ALG11: variants seen among roughly 807,000 people sequenced by gnomAD.
ALG11 encodes the protein GDP-Man:Man(3)GlcNAc(2)-PP-Dol alpha-1,2-mannosyltransferase.
Under a neutral mutation model 38.8 loss-of-function variants are expected in ALG11, and 26 were observed. The observed-to-expected ratio is 0.67, with a 90% confidence interval of 0.49 to 0.93. The LOEUF (loss-of-function observed/expected upper bound fraction) is 0.93, where lower values mean the gene tolerates loss of function less well. Ranked by LOEUF, ALG11 falls within the 40% of genes least tolerant of loss-of-function variation. ALG11 has a pLI of 0.00. For synonymous variants in ALG11, 199 were observed against 211.6 expected (o/e 0.94, Z 0.52); for missense variants, 535 against 578.8 (o/e 0.92, Z 0.78).
intron 1 of ALG11, chr13:52,015,826 C>T (rs1477615003): frequency 6.6e-6 from 1 of 152,246 alleles, no homozygotes; most frequent in African/African-American, 2.4e-5. Flanking sequence ...GAACTTGGTA[C>T]CATAAATTAG....
chr13:52,024,921 C>G lies in ALG11; in HGVS notation c.1191C>G (p.Asn397Lys). The G allele has an allele frequency of 6.2e-7, 1 of 1,610,152 alleles. No homozygotes were observed. Among genetic ancestry groups the G allele is most frequent in the Non-Finnish European group, 8.5e-7 (1 of 1,180,008 alleles). The change falls in exon 3 of 4, where the codon AAC becomes AAG. Residue 397 changes from asparagine to lysine, a missense_variant. Coordinates refer to ENST00000521508, the MANE Select transcript of ALG11 (RefSeq NM_001004127.3). ...CAATTGGTCTGCATACCATGTGGAACGAGCATTTTGGGATTGGTGAGTTTG... is the reference window on the plus strand; with the variant it reads ...CAATTGGTCTGCATACCATGTGGAAGGAGCATTTTGGGATTGGTGAGTTTG... ...EATIGLHTMW[N>K]EHFGIGVVEC...
At chr13:52,015,147 A>C (rs1483708657) in intron 1 of ALG11, among the ~76,000 whole-genome samples, 1 of 152,244 alleles carries the variant, frequency 6.6e-6, no homozygotes, top group Admixed American at 6.5e-5. Flanking sequence ...TCATGCCTGT[A>C]ATCTCAATGC....
chr13:52,012,605 T>C, intron 1 of ALG11, 143 bp downstream of exon 1: 1 of 1,167,820 alleles, frequency 8.6e-7, no homozygotes, highest in Non-Finnish European at 1.2e-6. Context: ...GCAGTCTTTC[T>C]TTTTCTTGGG....
At position 52,028,981 on chromosome 13, in the gene ALG11, A is replaced by G; in HGVS notation, c.*391A>G. 1.9e-6 allele frequency: 3 copies of G among 1,614,230 alleles called. No homozygotes were observed. Among genetic ancestry groups the G allele is most frequent in the Non-Finnish European group, 2.5e-6 (3 of 1,180,032 alleles). On this transcript the variant is annotated 3_prime_UTR_variant, in exon 4 of 4. Transcript: ENST00000521508. Reference sequence around the variant, plus strand: ...CCCTTGATGGAAAGAATAGGCGGAAATTGGCTGAGAGGTCTGAGGCTAGTC... The same window carrying G: ...CCCTTGATGGAAAGAATAGGCGGAAGTTGGCTGAGAGGTCTGAGGCTAGTC...
At chr13:52,028,168 C>A in intron 3 of ALG11, 151 bp from the exon 4 acceptor site, 1 of 830,584 alleles carries the variant, frequency 1.2e-6, no homozygotes, top group South Asian at 1.7e-5. Flanking sequence ...TTATCTTGTA[C>A]TGTAGAAGTT....
At chr13:52,013,293 C>T (rs1266572455) in intron 1 of ALG11, among the ~76,000 whole-genome samples, 1 of 152,198 alleles carries the variant, frequency 6.6e-6, no homozygotes, top group African/African-American at 2.4e-5. Context: ...ACCATAGCTT[C>T]CTGAATAGCA....
At chr13:52,023,325 G>C (rs1003289186) in intron 2 of ALG11, 1 of 152,122 alleles carries the variant, frequency 6.6e-6, no homozygotes, top group African/African-American at 2.4e-5. Context: ...GGAGGAAATA[G>C]CAAAGAACTA....
In ALG11 at chr13:52,028,481, C is replaced by T; in HGVS notation, c.1370C>T (p.Ala457Val). The change falls in exon 4 of 4, where the codon GCA (alanine) becomes GTA (valine). Residue 457 changes from alanine to valine, a missense_variant. Coordinates refer to ENST00000521508, the MANE Select transcript of ALG11 (RefSeq NM_001004127.3). ...ETIAHILSMS[A>V]EKRLQIRKSA... is the part of the protein sequence containing the mutation. ...ATCGCTCACATTCTTTCCATGTCTG[C>T]AGAAAAGAGACTCCAAATCAGAAAA... is the stretch of plus-strand genomic sequence containing the variant. The T allele has an allele frequency of 6.2e-7, 1 of 1,614,140 alleles. No individual in the cohort carries two copies. The highest frequency in any genetic ancestry group is 8.5e-7 in the Non-Finnish European group (1 of 1,180,020).
chr13:52,019,553 A>T (rs1021941035), intron 2 of ALG11, among the ~76,000 whole-genome samples: 16 of 152,198 alleles, frequency 1.1e-4, no homozygotes, highest in Non-Finnish European at 2.2e-4. Flanking sequence ...GTAAAAAATG[A>T]ATTCCTTTTT....
At chr13:52,022,973 T>C (rs970472186) in intron 2 of ALG11, 1 of 152,248 alleles carries the variant, frequency 6.6e-6, no homozygotes, top group Non-Finnish European at 1.5e-5. Context: ...AATAAATGTT[T>C]TATGACTCAA....
At position 52,024,184 on chromosome 13, in the gene ALG11, C is replaced by G; in HGVS notation, c.454C>G (p.Gln152Glu). ...SLYPHFTLLGQSLGSIFLGWE... is the reference protein window; with the variant it reads ...SLYPHFTLLGESLGSIFLGWE... ...GTATCCTCACTTCACACTGCTGGGCCAAAGTCTAGGATCCATTTTTCTTGG... is the reference window on the plus strand; with the variant it reads ...GTATCCTCACTTCACACTGCTGGGCGAAAGTCTAGGATCCATTTTTCTTGG... Residue 152 changes from glutamine (Q) to glutamate (E), a missense_variant, in exon 3 of 4, where the codon CAA (glutamine) becomes GAA (glutamate). Coordinates refer to ENST00000521508, the MANE Select transcript of ALG11 (RefSeq NM_001004127.3). 6.2e-7 allele frequency: 1 copy of G among 1,614,088 alleles called. No homozygotes were observed. The highest frequency in any genetic ancestry group is 1.3e-5 in the African/African-American group (1 of 75,012).
At position 52,031,169 on chromosome 13, in the gene ALG11, TCTG is replaced by T; in HGVS notation, c.*2582_*2584del. On this transcript the variant is annotated 3_prime_UTR_variant, in exon 4 of 4. Transcript: ENST00000521508. Reference sequence around the variant, plus strand: ...TCCACTTCCTTTGGTCCAGTTTTACTCTGCTACAGGGTGGATTCCAAAACTGGC... The same window carrying T: ...TCCACTTCCTTTGGTCCAGTTTTACTCTACAGGGTGGATTCCAAAACTGGC... 1 of 1,542,726 alleles carries T rather than the reference TCTG, an allele frequency of 6.5e-7. No individual in the cohort carries two copies. Among genetic ancestry groups the T allele is most frequent in the Non-Finnish European group, 8.7e-7 (1 of 1,146,642 alleles).
In ALG11 at chr13:52,030,919, A is replaced by G. The variant is rs1954297252; in HGVS notation, c.*2329A>G. On this transcript the variant is annotated 3_prime_UTR_variant, in exon 4 of 4. Transcript: ENST00000521508. Reference sequence around the variant, plus strand: ...CCATCCAGACCCCTATAGGATCCACATGGAACACCCAGAGGGCTTTCCAAA... The same window carrying G: ...CCATCCAGACCCCTATAGGATCCACGTGGAACACCCAGAGGGCTTTCCAAA... 1.2e-6 allele frequency: 2 copies of G among 1,614,182 alleles called. No homozygotes were observed. The highest frequency in any genetic ancestry group is 2.2e-5 in the East Asian group (1 of 44,880).
intron 2 of ALG11, among the ~76,000 whole-genome samples, chr13:52,020,276 A>T (rs1317750305): frequency 6.6e-6 from 1 of 152,182 alleles, no homozygotes; most frequent in Non-Finnish European, 1.5e-5. Flanking sequence ...CAAAATATTT[A>T]TGATTCTCTT....
In ALG11 at chr13:52,030,437, G is replaced by T; in HGVS notation, c.*1847G>T. ...AGAGAGGACCCCAAATAATCGGCCT[G>T]ATGCCCCTAAGGAGAAGAAAGAGAA... On this transcript the variant is annotated 3_prime_UTR_variant, in exon 4 of 4. Coordinates refer to ENST00000521508, the MANE Select transcript of ALG11 (RefSeq NM_001004127.3). 1 of 1,614,232 alleles carries T rather than the reference G, an allele frequency of 6.2e-7. No individual in the cohort carries two copies. Among genetic ancestry groups the T allele is most frequent in the South Asian group, 1.1e-5 (1 of 91,086 alleles).
In ALG11 at chr13:52,032,194, C is replaced by G. The variant is rs1954312637; in HGVS notation, c.*3604C>G. The G allele has an allele frequency of 6.5e-6, 1 of 154,906 alleles. No individual in the cohort carries two copies. The highest frequency in any genetic ancestry group is 2.4e-5 in the African/African-American group (1 of 41,404). The allele number at this position is 154,906 out of a possible 1,614,324, so 9.6% of individuals were successfully genotyped here. A position where few individuals can be genotyped will look rare whatever the true frequency, so the allele number is the denominator to read the frequency against. The stretch of plus-strand genomic sequence containing the variant: ...CCAAGATTGTGCCACTGCACTCTAG[C>G]CTGGGCAATAAGCAAAACTCCATCT... On this transcript the variant is annotated 3_prime_UTR_variant, in exon 4 of 4. Coordinates refer to ENST00000521508, the MANE Select transcript of ALG11 (RefSeq NM_001004127.3).
rs538174572 is a variant in ALG11 at position 52,032,177 on chromosome 13, G to A, written c.*3587G>A. The A allele has an allele frequency of 1.7e-4, 26 of 154,052 alleles. No homozygotes were observed. The highest frequency in any genetic ancestry group is 2.9e-4 in the Non-Finnish European group (20 of 68,060). The allele number at this position is 154,052 out of a possible 1,614,324, so 9.5% of individuals were successfully genotyped here. ...GCAGAGGTTGCAGTGAGCCAAGATT[G>A]TGCCACTGCACTCTAGCCTGGGCAA... On this transcript the variant is annotated 3_prime_UTR_variant, in exon 4 of 4. Transcript: ENST00000521508.
chr13:52,013,884 T>G (rs1056917040), intron 1 of ALG11, among the ~76,000 whole-genome samples: 1 of 152,222 alleles, frequency 6.6e-6, no homozygotes, highest in Non-Finnish European at 1.5e-5. Flanking sequence ...TAATGTAATA[T>G]TTGCCTATTT....
At chr13:52,012,596 C>T (rs1244133493) in intron 1 of ALG11, 134 bp downstream of exon 1, 2 of 1,240,768 alleles carry the variant, frequency 1.6e-6, no homozygotes, top group African/African-American at 1.5e-5. Context: ...GGCCAATGAG[C>T]AGTCTTTCTT....
Sources: allele counts gnomAD v4.1 joint callset (sites outside exome capture counted in the v4.1 genomes callset), GRCh38; gene constraint gnomAD v4.1.1; transcripts MANE v1.5; gene names NCBI Gene and HGNC (gene_info 2026-07-23, HGNC 2026-07-21).